The following NUDCD2 variants were observed in gnomAD, a reference collection of about 807,000 sequenced individuals.
NUDCD2 encodes NudC domain containing 2.
NUDCD2 carries 16 observed loss-of-function variants against 20.8 expected under a neutral mutation model. That is an observed-to-expected ratio of 0.77 (90% CI 0.52 to 1.17). The LOEUF is 1.17. Ranked by LOEUF, NUDCD2 falls within the 50% of genes most tolerant of loss-of-function variation. NUDCD2 has a pLI of 0.00. For synonymous variants in NUDCD2, 87 were observed against 72.8 expected, an observed-to-expected ratio of 1.20 and a Z score of -1.00; for missense variants, 199 against 193.9, an observed-to-expected ratio of 1.03 and a Z score of -0.16.
chr5:163,453,368 G>T lies in NUDCD2; in HGVS notation c.*599C>A, dbSNP rs1758226870. The T allele has an allele frequency of 6.6e-6, 1 of 152,000 alleles. No homozygotes were observed. The highest frequency in any genetic ancestry group is 6.6e-5 in the Admixed American group (1 of 15,266). The allele number at this position is 152,000 out of a possible 1,614,324, so 9.4% of individuals were successfully genotyped here. A position where few individuals can be genotyped will look rare whatever the true frequency, so the allele number is the denominator to read the frequency against. On this transcript the variant is annotated 3_prime_UTR_variant, in exon 4 of 4. Transcript: ENST00000302764. ...ATTACCATGATCACACTTCTCTTTT[G>T]TGTTAATCCACTTCTATTGTTAGGG... is the stretch of plus-strand genomic sequence containing the variant.
At chr5:163,457,652 AT>A (rs773262713) in intron 1 of NUDCD2, 42 bp from the exon 2 acceptor site, 1 of 1,278,106 alleles carries the variant, frequency 7.8e-7, no homozygotes, top group African/African-American at 1.5e-5. Context: ...ACAGAATTTA[AT>A]TTTTATAAAG....
At chr5:163,455,782 C>G (rs1289523783) in intron 3 of NUDCD2, among the ~76,000 whole-genome samples, 1 of 150,454 alleles carries the variant, frequency 6.6e-6, no homozygotes, top group African/African-American at 2.4e-5. Flanking sequence ...TTTGAGAAGA[C>G]TATGGCAAGA....
Position 163,459,989 on chromosome 5 carries a change from C to T in NUDCD2, c.62G>A (p.Trp21Ter), listed in dbSNP as rs750062432. 1 of 1,613,386 alleles carries T rather than the reference C, an allele frequency of 6.2e-7. No individual in the cohort carries two copies. The highest frequency in any genetic ancestry group is 1.7e-5 in the Admixed American group (1 of 59,956). Reference sequence around the variant, plus strand: ...GAACACCTCCTCCAAGGTCTGGTACCACTGGCCCCACGGGGTCCCGCACGG... The same window carrying T: ...GAACACCTCCTCCAAGGTCTGGTACTACTGGCCCCACGGGGTCCCGCACGG... Reference protein sequence around the residue: ...VVPCGTPWGQWYQTLEEVFIE... With the variant: ...VVPCGTPWGQ Residue 21 changes from tryptophan to a stop codon, truncating the protein, a stop_gained, in exon 1 of 4, where the codon TGG becomes TAG. Coordinates refer to ENST00000302764, the MANE Select transcript of NUDCD2 (RefSeq NM_145266.6). LOFTEE classifies it high-confidence loss of function.
chr5:163,457,114 ATAAAT>A (rs1228246611), intron 2 of NUDCD2, 34 bp from the exon 3 acceptor site: 15 of 1,548,248 alleles, frequency 9.7e-6, no homozygotes, highest in Non-Finnish European at 1.2e-5. Context: ...ACACGCACAA[ATAAAT>A]TAGAGTTCTT....
At position 163,459,963 on chromosome 5, in the gene NUDCD2, T is replaced by G; in HGVS notation, c.88A>C (p.Ile30Leu). The G allele has an allele frequency of 2.5e-6, 4 of 1,613,524 alleles. No homozygotes were observed. The highest frequency in any genetic ancestry group is 2.5e-6 in the Non-Finnish European group (3 of 1,179,832). Residue 30 changes from isoleucine (I) to leucine (L), a missense_variant, in exon 1 of 4, where the codon ATT becomes CTT. Ile to Leu is a conservative substitution (Grantham distance 5). Coordinates refer to ENST00000302764, the MANE Select transcript of NUDCD2 (RefSeq NM_145266.6). ...QWYQTLEEVF[I>L]EVQVPPGTRA... ...GTGCCTGGCGGCACCTGAACTTCAA[T>G]GAACACCTCCTCCAAGGTCTGGTAC...
rs1758044087 is a variant in NUDCD2 at position 163,446,628 on chromosome 5, A to C, written c.*7339T>G. ...AACAACACTCAATTTATTTCTCTAT[A>C]CTAATAACTTTGATAAAATGTTATT... is the stretch of plus-strand genomic sequence containing the variant. On this transcript the variant is annotated 3_prime_UTR_variant, in exon 4 of 4. Coordinates refer to ENST00000302764, the MANE Select transcript of NUDCD2 (RefSeq NM_145266.6). The C allele has an allele frequency of 6.6e-6, 1 of 152,266 alleles. No homozygotes were observed. Among genetic ancestry groups the C allele is most frequent in the Non-Finnish European group, 1.5e-5 (1 of 68,046 alleles). 9.4% of individuals were successfully genotyped at this position (152,266 alleles called of 1,614,324 possible).
chr5:163,457,135 A>AT, intron 2 of NUDCD2, 55 bp from the exon 3 acceptor site: 2 of 1,446,856 alleles, frequency 1.4e-6, no homozygotes, highest in Non-Finnish European at 1.8e-6. Flanking sequence ...TTCTTCATCA[A>AT]GTTGTTTTTT....
intron 1 of NUDCD2, 73 bp downstream of exon 1, chr5:163,459,789 C>G: frequency 7.3e-7 from 1 of 1,368,794 alleles, no homozygotes; most frequent in Non-Finnish European, 1.0e-6. Flanking sequence ...GGACACCCAA[C>G]AGTCGTTCAG....
In NUDCD2 at chr5:163,448,696, A is replaced by C. The variant is rs536132639; in HGVS notation, c.*5271T>G. 6.6e-6 allele frequency: 1 copy of C among 152,230 alleles called. No homozygotes were observed. Among genetic ancestry groups the C allele is most frequent in the Non-Finnish European group, 1.5e-5 (1 of 68,032 alleles). The allele number at this position is 152,230 out of a possible 1,614,324, so 9.4% of individuals were successfully genotyped here. The stretch of plus-strand genomic sequence containing the variant: ...AAAAAACAAACAAAAACAATTGCAC[A>C]ATATCCAAAATGAACACAGACATAA... On this transcript the variant is annotated 3_prime_UTR_variant, in exon 4 of 4. Coordinates refer to ENST00000302764, the MANE Select transcript of NUDCD2 (RefSeq NM_145266.6).
rs1360749480 is a variant in NUDCD2 at position 163,449,131 on chromosome 5, TC to T, written c.*4835del. 3 of 152,084 alleles carry T rather than the reference TC, an allele frequency of 2.0e-5. No homozygotes were observed. Among genetic ancestry groups the T allele is most frequent in the Non-Finnish European group, 4.4e-5 (3 of 68,032 alleles). 9.4% of individuals were successfully genotyped at this position (152,084 alleles called of 1,614,324 possible). The stretch of plus-strand genomic sequence containing the variant: ...ACTAAAAAGAATAAAATAAAACTGT[TC>T]CTATTCGTAGTTTATGTAGAAAACT... On this transcript the variant is annotated 3_prime_UTR_variant, in exon 4 of 4. Coordinates refer to ENST00000302764, the MANE Select transcript of NUDCD2 (RefSeq NM_145266.6).
rs1758449853 is a variant in NUDCD2 at position 163,460,052 on chromosome 5, ATCCAG to A, written c.-7_-3del. ...CCGCTCCTCAAACGGGGCCGACATA[ATCCAG>A]TCCCTCCCGGCCGCGGCCGCACCAG... On this transcript the variant is annotated 5_prime_UTR_variant, in exon 1 of 4. Coordinates refer to ENST00000302764, the MANE Select transcript of NUDCD2 (RefSeq NM_145266.6). The A allele has an allele frequency of 6.4e-7, 1 of 1,562,146 alleles. No homozygotes were observed. Among genetic ancestry groups the A allele is most frequent in the East Asian group, 2.3e-5 (1 of 43,128 alleles).
Position 163,455,652 on chromosome 5 carries a change from T to TACTC in NUDCD2, c.390+1273_390+1276dup, listed in dbSNP as rs1581178724. The stretch of plus-strand genomic sequence containing the variant: ...GGTGGCGGGAGCCTACAGTCCCAGC[T>TACTC]ACTCGGGAGGCTGAGGCAGGAGACT... On this transcript the variant is annotated intron_variant, in intron 3 of 3. Coordinates refer to ENST00000302764, the MANE Select transcript of NUDCD2 (RefSeq NM_145266.6). Among the ~76,000 whole-genome samples, 5 of 150,400 alleles carry TACTC rather than the reference T, an allele frequency of 3.3e-5. No individual in the cohort carries two copies. In the East Asian group the frequency reaches 7.9e-4, roughly 24 times the overall value.
At position 163,457,142 on chromosome 5, in the gene NUDCD2, T is replaced by G. The variant is rs562916145; in HGVS notation, c.239-62A>C. On this transcript the variant is annotated intron_variant, in intron 2 of 3. Coordinates refer to ENST00000302764, the MANE Select transcript of NUDCD2 (RefSeq NM_145266.6). ...AATTAGAGTTCTTCATCAAGTTGTT[T>G]TTTTTTTTTTTGAGACAGTATCACT... 2.2e-5 allele frequency: 33 copies of G among 1,475,274 alleles called. No individual in the cohort carries two copies. In the African/African-American group the frequency reaches 3.6e-4, roughly 16 times the overall value. 91.4% of individuals were successfully genotyped at this position (1,475,274 alleles called of 1,614,324 possible).
Position 163,453,449 on chromosome 5 carries a change from T to C in NUDCD2, c.*518A>G, listed in dbSNP as rs1431487072. The C allele has an allele frequency of 6.6e-6, 1 of 152,576 alleles. No homozygotes were observed. The highest frequency in any genetic ancestry group is 6.5e-5 in the Admixed American group (1 of 15,278). The allele number at this position is 152,576 out of a possible 1,614,324, so 9.5% of individuals were successfully genotyped here. A position where few individuals can be genotyped will look rare whatever the true frequency, so the allele number is the denominator to read the frequency against. On this transcript the variant is annotated 3_prime_UTR_variant, in exon 4 of 4. Transcript: ENST00000302764. ...AGTAATCCCTCAAGTAATAATATTC[T>C]AATTAAGAAATTTACATTAACTCTT...
Position 163,457,091 on chromosome 5 carries a change from A to AACAC in NUDCD2, c.239-15_239-12dup, listed in dbSNP as rs113515886. ...CCATTTTTCTGTCCTCTAAAAAAAA[A>AACAC]ACACACACACACACACGCACAAATA... On this transcript the variant is annotated splice_polypyrimidine_tract_variant and intron_variant, in intron 2 of 3. Coordinates refer to ENST00000302764, the MANE Select transcript of NUDCD2 (RefSeq NM_145266.6). 4 of 1,491,362 alleles carry AACAC rather than the reference A, an allele frequency of 2.7e-6. No individual in the cohort carries two copies. The African/African-American group carries it at 4.2e-5, about 16-fold the overall frequency. The allele number at this position is 1,491,362 out of a possible 1,614,324, so 92.4% of individuals were successfully genotyped here. A position where few individuals can be genotyped will look rare whatever the true frequency, so the allele number is the denominator to read the frequency against.
At chr5:163,455,801 G>A (rs1561628742) in intron 3 of NUDCD2, among the ~76,000 whole-genome samples, 1 of 151,576 alleles carries the variant, frequency 6.6e-6, no homozygotes, top group African/African-American at 2.4e-5. Context: ...GAGTAAAAGT[G>A]AGAAGACCAA....
chr5:163,453,925 G>C lies in NUDCD2; in HGVS notation c.*42C>G. 1 of 1,099,338 alleles carries C rather than the reference G, an allele frequency of 9.1e-7. No individual in the cohort carries two copies. The highest frequency in any genetic ancestry group is 1.3e-6 in the Non-Finnish European group (1 of 767,358). The allele number at this position is 1,099,338 out of a possible 1,614,324, so 68.1% of individuals were successfully genotyped here. A position where few individuals can be genotyped will look rare whatever the true frequency, so the allele number is the denominator to read the frequency against. On this transcript the variant is annotated 3_prime_UTR_variant, in exon 4 of 4. Transcript: ENST00000302764. ...ATAATCTGTTTATCTGATTAAGTTG[G>C]CAATATCTGCTAGGATCCACAGAAT...
intron 1 of NUDCD2, among the ~76,000 whole-genome samples, chr5:163,458,179 C>T (rs1758374368): frequency 6.6e-6 from 1 of 151,800 alleles, no homozygotes; most frequent in Non-Finnish European, 1.5e-5. Context: ...GATGGGGTTT[C>T]CCCGTGTTAG....
chr5:163,448,392 A>T lies in NUDCD2; in HGVS notation c.*5575T>A, dbSNP rs1333591823. ...AAAGATAACAGTATAGATCCTCATT[A>T]GAACGACACAAAGAAAATACCATGA... On this transcript the variant is annotated 3_prime_UTR_variant, in exon 4 of 4. Transcript: ENST00000302764. 6.6e-6 allele frequency: 1 copy of T among 152,184 alleles called. No homozygotes were observed. The highest frequency in any genetic ancestry group is 1.5e-5 in the Non-Finnish European group (1 of 68,034). 9.4% of individuals were successfully genotyped at this position (152,184 alleles called of 1,614,324 possible).
Sources: gnomAD v4.1 joint callset for allele counts (sites outside exome capture counted in the v4.1 genomes callset) on GRCh38, gnomAD v4.1.1 for gene constraint, MANE v1.5 for transcripts, NCBI Gene and HGNC (gene_info 2026-07-23, HGNC 2026-07-21) for gene names.